IFNGR2: variants seen among roughly 807,000 people sequenced by gnomAD.
The protein encoded by IFNGR2 is IFN-gamma receptor 2.
IFNGR2 carries 15 observed loss-of-function variants against 41.1 expected under a neutral mutation model. The observed-to-expected ratio is 0.37, with a 90% CI of 0.24 to 0.56. IFNGR2 has a LOEUF of 0.56. Among genes scored for constraint, IFNGR2 ranks in the 20% least tolerant of loss-of-function variants. The pLI, the probability that IFNGR2 is intolerant of heterozygous loss-of-function variation, is 0.81. For synonymous variants in IFNGR2, 161 were observed against 171.6 expected, an observed-to-expected ratio of 0.94 and a Z score of 0.48; for missense variants, 362 against 415.7, an observed-to-expected ratio of 0.87 and a Z score of 1.12.
chr21:33,431,285 G>A (rs2083884005), intron 4 of IFNGR2, among the ~76,000 whole-genome samples: 1 of 152,152 alleles, frequency 6.6e-6, no homozygotes, highest in Non-Finnish European at 1.5e-5. Context: ...GATACAAAAT[G>A]TTGGCCAGGC....
At chr21:33,420,670 C>T (rs1185064624) in intron 2 of IFNGR2, among the ~76,000 whole-genome samples, 1 of 152,120 alleles carries the variant, frequency 6.6e-6, no homozygotes, top group African/African-American at 2.4e-5. Context: ...AAAATATTTG[C>T]AAATCATCTA....
intron 1 of IFNGR2, among the ~76,000 whole-genome samples, chr21:33,413,803 TTCTC>T (rs1312202900): frequency 6.6e-6 from 1 of 151,264 alleles, no homozygotes; most frequent in Non-Finnish European, 1.5e-5. Flanking sequence ...AGTATATTCT[TTCTC>T]TGTTTATTGC....
chr21:33,431,089 C>G (rs2083882046), intron 4 of IFNGR2, among the ~76,000 whole-genome samples: 1 of 152,132 alleles, frequency 6.6e-6, no homozygotes, highest in East Asian at 1.9e-4. Flanking sequence ...GACACAGAAC[C>G]TTCCTAGAGT....
intron 1 of IFNGR2, chr21:33,411,534 G>A (rs1417867442): frequency 2.1e-6 from 1 of 471,002 alleles, no homozygotes; most frequent in South Asian, 1.5e-5. Context: ...GTGAACCTGG[G>A]AATGTGCTGC....
intron 2 of IFNGR2, among the ~76,000 whole-genome samples, chr21:33,419,560 A>G (rs2083776678): frequency 6.6e-6 from 1 of 151,472 alleles, no homozygotes; most frequent in African/African-American, 2.4e-5. Flanking sequence ...AAATGTGAGC[A>G]TTTTTTCATG....
At chr21:33,430,881 G>A (rs2083880063) in intron 4 of IFNGR2, among the ~76,000 whole-genome samples, 1 of 152,204 alleles carries the variant, frequency 6.6e-6, no homozygotes, top group African/African-American at 2.4e-5. Flanking sequence ...TCATGTGGCT[G>A]TAGTGGATTA....
chr21:33,409,067 C>T (rs1455609191), intron 1 of IFNGR2, among the ~76,000 whole-genome samples: 1 of 151,930 alleles, frequency 6.6e-6, no homozygotes, highest in Non-Finnish European at 1.5e-5. Context: ...ATCCCAGCTA[C>T]TCAGGAGGCT....
At position 33,410,028 on chromosome 21, in the gene IFNGR2, C is replaced by T. The variant is rs545074283; in HGVS notation, c.74-4860C>T. On this transcript the variant is annotated intron_variant, in intron 1 of 6. Coordinates refer to ENST00000290219, the MANE Select transcript of IFNGR2 (RefSeq NM_005534.4). Reference sequence around the variant, plus strand: ...TTGGTAGCAGGGTCCATTTTATGGGCGAACATACCAGTAAGTTCCTTGCCT... The same window carrying T: ...TTGGTAGCAGGGTCCATTTTATGGGTGAACATACCAGTAAGTTCCTTGCCT... 2.2e-4 allele frequency among the ~76,000 whole-genome samples: 33 copies of T among 152,016 alleles called. No individual in the cohort carries two copies. The East Asian group carries it at 3.9e-3, about 18-fold the overall frequency.
At chr21:33,415,498 T>C (rs1036990981) in intron 2 of IFNGR2, among the ~76,000 whole-genome samples, 1 of 152,242 alleles carries the variant, frequency 6.6e-6, no homozygotes, top group Non-Finnish European at 1.5e-5. Flanking sequence ...CATCTGTCTC[T>C]TGCCTCTTCA....
intron 2 of IFNGR2, 141 bp downstream of exon 2, chr21:33,415,161 A>G: frequency 9.0e-7 from 1 of 1,114,144 alleles, no homozygotes; most frequent in Non-Finnish European, 1.3e-6. Context: ...GAGCTTGTAA[A>G]ATCTCTGAGG....
chr21:33,411,413 A>G, intron 1 of IFNGR2: 1 of 470,688 alleles, frequency 2.1e-6, no homozygotes, highest in Non-Finnish European at 4.4e-6. Flanking sequence ...GAAGTCGGGA[A>G]GAAGAGACTA....
At chr21:33,422,533 G>A (rs906526380) in intron 3 of IFNGR2, among the ~76,000 whole-genome samples, 9 of 152,178 alleles carry the variant, frequency 5.9e-5, no homozygotes, top group African/African-American at 2.2e-4. Context: ...TGGTTAAGAT[G>A]TTAAAGTTTA....
intron 1 of IFNGR2, among the ~76,000 whole-genome samples, chr21:33,411,821 T>G (rs543135292): frequency 2.6e-5 from 4 of 152,370 alleles, no homozygotes; most frequent in Non-Finnish European, 5.9e-5. Flanking sequence ...CCAGCCCTGC[T>G]GATAACTTGA....
intron 2 of IFNGR2, among the ~76,000 whole-genome samples, chr21:33,420,508 A>T (rs1484582815): frequency 6.6e-6 from 1 of 152,136 alleles, no homozygotes; most frequent in East Asian, 1.9e-4. Flanking sequence ...GGTGAGACAA[A>T]TCCTCTTTGA....
chr21:33,407,717 TC>T (rs1408182339), intron 1 of IFNGR2, among the ~76,000 whole-genome samples: 1 of 152,182 alleles, frequency 6.6e-6, no homozygotes, highest in Non-Finnish European at 1.5e-5. Context: ...TGTCTCAGCC[TC>T]CCAAGTAGCT....
chr21:33,414,836 T>A, intron 1 of IFNGR2, 52 bp from the exon 2 acceptor site: 2 of 1,550,734 alleles, frequency 1.3e-6, no homozygotes, highest in East Asian at 4.8e-5. Context: ...TTGTAATTAT[T>A]TCCCTCTCTC....
intron 2 of IFNGR2, among the ~76,000 whole-genome samples, chr21:33,419,892 C>T (rs925165437): frequency 9.2e-5 from 14 of 152,250 alleles, no homozygotes; most frequent in African/African-American, 3.1e-4. Context: ...GAGGAAGAGC[C>T]GTGCATGTTG....
chr21:33,416,754 A>G (rs12329708), intron 2 of IFNGR2, among the ~76,000 whole-genome samples: 4 of 150,974 alleles, frequency 2.6e-5, no homozygotes, highest in East Asian at 2.0e-4. Flanking sequence ...CCCGGGAGGC[A>G]GAGCTTGCAG....
In IFNGR2 at chr21:33,403,569, T is replaced by C; in HGVS notation, c.26T>C (p.Leu9Pro). The stretch of plus-strand genomic sequence containing the variant: ...ATGCGACCGACGCTGCTGTGGTCGC[T>C]GCTGCTGCTGCTCGGAGTCTTCGCC... MRPTLLWS[L>P]LLLLGVFAAA... is the part of the protein sequence containing the mutation. Residue 9 changes from leucine (L) to proline (P), a missense_variant, in exon 1 of 7, where the codon CTG becomes CCG. By Grantham distance (98) the Leu-to-Pro change is moderately conservative (BLOSUM62 -3). Coordinates refer to ENST00000290219, the MANE Select transcript of IFNGR2 (RefSeq NM_005534.4). 7.4e-7 allele frequency: 1 copy of C among 1,354,830 alleles called. No individual in the cohort carries two copies. The highest frequency in any genetic ancestry group is 3.3e-5 in the East Asian group (1 of 29,872). The allele number at this position is 1,354,830 out of a possible 1,614,324, so 83.9% of individuals were successfully genotyped here.
Sources: allele counts gnomAD v4.1 joint callset (sites outside exome capture counted in the v4.1 genomes callset), GRCh38; gene constraint gnomAD v4.1.1; transcripts MANE v1.5; gene names NCBI Gene and HGNC (gene_info 2026-07-23, HGNC 2026-07-21).